DMKN: variants seen among roughly 807,000 people sequenced by gnomAD.
The protein encoded by DMKN is dermokine, also known as epidermis-specific secreted protein SK30/SK89.
Under a neutral mutation model 67.6 loss-of-function variants are expected in DMKN, and 58 were observed. The ratio of observed to expected loss-of-function variants is 0.86; its 90% confidence interval spans 0.69 to 1.07. The LOEUF (loss-of-function observed/expected upper bound fraction) is 1.07. DMKN is among the 50% of genes least tolerant of loss of function. DMKN has a pLI of 0.00. For synonymous variants in DMKN, 240 were observed against 232.3 expected, an observed-to-expected ratio of 1.03 and a Z score of -0.30; for missense variants, 596 against 601.5, an observed-to-expected ratio of 0.99 and a Z score of 0.10.
chr19:35,511,504 G>GCCACTGCTGCTGCCA lies in DMKN; in HGVS notation c.810_824dup (p.Gly271_Gly275dup). On this transcript the variant is annotated inframe_insertion, in exon 5 of 16. Transcript: ENST00000339686. ...CGCCACTGCTGCCGCCACTGCTGCT[G>GCCACTGCTGCTGCCA]CCACTGCTGCTGCCACCACTGCTGC... The GCCACTGCTGCTGCCA allele has an allele frequency of 3.5e-5, 39 of 1,112,220 alleles. No homozygotes were observed. Among genetic ancestry groups the GCCACTGCTGCTGCCA allele is most frequent in the Middle Eastern group, 3.2e-4 (1 of 3,140 alleles). 68.9% of individuals were successfully genotyped at this position (1,112,220 alleles called of 1,614,324 possible). A position where few individuals can be genotyped will look rare whatever the true frequency, so the allele number is the denominator to read the frequency against.
intron 7 of DMKN, chr19:35,507,714 T>C (rs901447032): frequency 5.4e-6 from 3 of 558,262 alleles, no homozygotes; most frequent in African/African-American, 3.8e-5. Context: ...TTCAAGCTCC[T>C]GTGGGTCGGG....
intron 5 of DMKN, 157 bp from the exon 6 acceptor site, chr19:35,510,409 A>G (rs578118181): frequency 1.0e-4 from 155 of 1,552,276 alleles, no homozygotes; most frequent in Non-Finnish European, 1.3e-4. Flanking sequence ...TGGTCGCTGC[A>G]GGAAGTTATT....
At chr19:35,506,719 T>C in intron 7 of DMKN, 2 of 327,552 alleles carry the variant, frequency 6.1e-6, no homozygotes. Context: ...ATATATATCT[T>C]AAATTTTTTT....
In DMKN at chr19:35,512,621, C is replaced by G; in HGVS notation, c.596G>C (p.Gly199Ala). 1 of 1,614,138 alleles carries G rather than the reference C, an allele frequency of 6.2e-7. No individual in the cohort carries two copies. The highest frequency in any genetic ancestry group is 2.2e-5 in the East Asian group (1 of 44,866). ...QGAPWGQGGN[G>A]GPPNFGTNTQ... ...GTTGGTCCCAAAGTTTGGTGGCCCTCCATTGCCTCCTTGACCCCAGGGAGC... is the reference window on the plus strand; with the variant it reads ...GTTGGTCCCAAAGTTTGGTGGCCCTGCATTGCCTCCTTGACCCCAGGGAGC... Residue 199 changes from glycine to alanine, a missense_variant, in exon 2 of 16, where the codon GGA becomes GCA. Transcript: ENST00000339686.
At chr19:35,502,729 G>T in intron 10 of DMKN, 101 bp downstream of exon 10, 5 of 1,213,402 alleles carry the variant, frequency 4.1e-6, no homozygotes, top group Non-Finnish European at 6.0e-6. Flanking sequence ...GGGGAGTTTT[G>T]AAACAGGTGG....
intron 7 of DMKN, chr19:35,507,778 A>G: frequency 2.1e-6 from 1 of 478,394 alleles, no homozygotes; most frequent in South Asian, 3.1e-5. Context: ...GTTTATGTTC[A>G]TTTCTGCAAG....
Position 35,513,167 on chromosome 19 carries a change from G to A in DMKN, c.309C>T (p.Ala103=). ...CGTGCCCAGTGTTTCCCAGAGCATG[G>A]GCTGCTTCCCCGACCCTGTTGCCCA... The part of the protein sequence containing the change: ...DALGNRVGEA[A]HALGNTGHEI... The change falls in exon 1 of 16, where the codon GCC becomes GCT. Residue 103 remains alanine (A), a synonymous_variant. Transcript: ENST00000339686. 1 of 1,614,142 alleles carries A rather than the reference G, an allele frequency of 6.2e-7. No homozygotes were observed. The highest frequency in any genetic ancestry group is 8.5e-7 in the Non-Finnish European group (1 of 1,180,026).
Position 35,513,439 on chromosome 19 carries a change from C to T in DMKN, c.37G>A (p.Ala13Thr). 6.2e-7 allele frequency: 1 copy of T among 1,601,986 alleles called. No homozygotes were observed. The highest frequency in any genetic ancestry group is 8.5e-7 in the Non-Finnish European group (1 of 1,179,836). ...FQGPLACLLL[A>T]LCLGSGEAGP... The stretch of plus-strand genomic sequence containing the variant: ...GCCTCCCCACTGCCCAGGCAGAGGG[C>T]CAGCAGGAGGCAGGCCAGGGGCCCC... Residue 13 changes from alanine to threonine, a missense_variant, in exon 1 of 16, where the codon GCC becomes ACC. Ala to Thr is a moderately conservative substitution (Grantham distance 58). Transcript: ENST00000339686.
intron 11 of DMKN, 63 bp from the exon 12 acceptor site, chr19:35,500,643 A>G (rs2068203851): frequency 2.6e-6 from 4 of 1,543,774 alleles, no homozygotes; most frequent in Non-Finnish European, 2.6e-6. Context: ...CCGGGCTTTC[A>G]GAGCCCCAGT....
intron 5 of DMKN, chr19:35,510,453 T>C: frequency 6.4e-7 from 1 of 1,551,890 alleles, no homozygotes; most frequent in Non-Finnish European, 8.7e-7. Flanking sequence ...TGGCCGAGGG[T>C]ATTCGGAACT....
chr19:35,499,217 C>T (rs968342043), intron 13 of DMKN: 3 of 415,940 alleles, frequency 7.2e-6, no homozygotes, highest in Non-Finnish European at 1.3e-5. Context: ...AGAGTGGAAG[C>T]CACAGATAAC....
At chr19:35,498,984 C>T (rs1454646779) in intron 13 of DMKN, 87 bp from the exon 14 acceptor site, 1 of 1,596,096 alleles carries the variant, frequency 6.3e-7, no homozygotes, top group Non-Finnish European at 8.6e-7. Flanking sequence ...GGCCCAGCAG[C>T]AAGGGCAGGC....
rs778044281 is a variant in DMKN, at chr19:35,511,813, A to G, written c.685T>C (p.Cys229Arg). ...SVRASNQNEG[C>R]TNPPPSGSGG... ...GAGCCAGATGGTGGGGGATTCGTGCACTGTCGAGGGAAAGGGATGGTGAGT... is the reference window on the plus strand; with the variant it reads ...GAGCCAGATGGTGGGGGATTCGTGCGCTGTCGAGGGAAAGGGATGGTGAGT... The change falls in exon 4 of 16, where the codon TGC (cysteine) becomes CGC (arginine). Residue 229 changes from cysteine (C) to arginine (R), a missense_variant and splice_region_variant. By Grantham distance (180) the Cys-to-Arg change is radical (BLOSUM62 -3). Transcript: ENST00000339686. 6.2e-7 allele frequency: 1 copy of G among 1,612,526 alleles called. No homozygotes were observed. The highest frequency in any genetic ancestry group is 1.3e-5 in the African/African-American group (1 of 74,872).
rs1445306647 is a variant in DMKN at position 35,513,109 on chromosome 19, G to A, written c.367C>T (p.His123Tyr). 1 of 1,614,174 alleles carries A rather than the reference G, an allele frequency of 6.2e-7. No homozygotes were observed. Among genetic ancestry groups the A allele is most frequent in the Non-Finnish European group, 8.5e-7 (1 of 1,180,044 alleles). The change falls in exon 1 of 16, where the codon CAC (histidine) becomes TAC (tyrosine). Residue 123 changes from histidine (H) to tyrosine (Y), a missense_variant. By Grantham distance (83) the His-to-Tyr change is moderately conservative. Coordinates refer to ENST00000339686, the MANE Select transcript of DMKN (RefSeq NM_033317.5). ...IGRQAEDVIRHGADAVRGSWQ... is the reference protein window; with the variant it reads ...IGRQAEDVIRYGADAVRGSWQ... ...GAGCCGCGGACAGCATCTGCTCCGTGTCGAATGACATCTTCTGCCTGTCTG... is the reference window on the plus strand; with the variant it reads ...GAGCCGCGGACAGCATCTGCTCCGTATCGAATGACATCTTCTGCCTGTCTG...
chr19:35,498,577 G>A (rs1026125938), intron 15 of DMKN, 139 bp downstream of exon 15: 4 of 1,194,916 alleles, frequency 3.3e-6, no homozygotes, highest in Non-Finnish European at 4.7e-6. Context: ...ATCACCTTTA[G>A]AGCACGCACC....
At chr19:35,503,217 G>A (rs951573097) in intron 9 of DMKN, 235 of 1,440,760 alleles carry the variant, frequency 1.6e-4, no homozygotes, top group Non-Finnish European at 1.9e-4. Context: ...CCTCCAGCCC[G>A]TTTCCCGAAG....
At position 35,511,401 on chromosome 19, in the gene DMKN, C is replaced by A. The variant is rs1186584075; in HGVS notation, c.918+10G>T. ...CCCATCTCAGCCTTCCACAGAGGTG[C>A]CAAACTCACCCAGGAGGACTCACTG... is the stretch of plus-strand genomic sequence containing the variant. On this transcript the variant is annotated intron_variant, in intron 5 of 15. Coordinates refer to ENST00000339686, the MANE Select transcript of DMKN (RefSeq NM_033317.5). 1 of 1,608,042 alleles carries A rather than the reference C, an allele frequency of 6.2e-7. No homozygotes were observed. The highest frequency in any genetic ancestry group is 1.7e-5 in the Admixed American group (1 of 59,998).
chr19:35,501,860 A>AG, intron 11 of DMKN: 1 of 1,586,082 alleles, frequency 6.3e-7, no homozygotes, highest in South Asian at 1.2e-5. Flanking sequence ...CAGGCCCAGC[A>AG]GGAGCAGGAG....
At chr19:35,503,350 G>C in intron 9 of DMKN, 1 of 1,546,858 alleles carries the variant, frequency 6.5e-7, no homozygotes, top group South Asian at 1.2e-5. Flanking sequence ...TGAGATTAGT[G>C]ATGAGAGGGT....
Sources: allele counts gnomAD v4.1 joint callset, GRCh38; gene constraint gnomAD v4.1.1; transcripts MANE v1.5; gene names NCBI Gene and HGNC (gene_info 2026-07-23, HGNC 2026-07-21).